MRPS6: variants seen among roughly 807,000 people sequenced by gnomAD.
The protein encoded by MRPS6 is mitochondrial ribosomal protein S6.
In MRPS6, 6 loss-of-function variants were observed where a neutral mutation model predicts 13.1. The observed-to-expected ratio is 0.46, with a 90% CI of 0.25 to 0.91. The LOEUF is 0.91. MRPS6 is among the 40% of genes least tolerant of loss of function. The pLI is 0.18. For missense variants in MRPS6, 164 were observed against 155.6 expected (o/e 1.05, Z -0.29); for synonymous variants, 61 against 56.5 (o/e 1.08, Z -0.36).
At chr21:34,076,400 T>C (rs1989331796) in intron 1 of MRPS6, among the ~76,000 whole-genome samples, 1 of 152,226 alleles carries the variant, frequency 6.6e-6, no homozygotes, top group South Asian at 2.1e-4. Context: ...GTTGCGGGAA[T>C]GCCCATTGAA....
At chr21:34,080,292 A>G (rs935490027) in intron 1 of MRPS6, among the ~76,000 whole-genome samples, 3 of 152,226 alleles carry the variant, frequency 2.0e-5, no homozygotes, top group African/African-American at 7.2e-5. Context: ...TCATTTTCAA[A>G]TACATGCAGG....
rs16991220 is a variant in MRPS6, at chr21:34,102,153, T to C, written c.46-23188T>C. 5.5e-3 allele frequency: 5,457 copies of C among 1,000,102 alleles called. 107 individuals carry two copies. In the South Asian group the frequency reaches 0.078, roughly 14 times the overall value. 62.0% of individuals were successfully genotyped at this position (1,000,102 alleles called of 1,614,324 possible). On this transcript the variant is annotated intron_variant, in intron 1 of 2. Coordinates refer to ENST00000399312, the MANE Select transcript of MRPS6 (RefSeq NM_032476.4). ...TGGAATGTTTTTGTCAGACTGTCCT[T>C]TGTTGGAATACTTTAGCTGTTCAGC...
chr21:34,103,948 T>G (rs751027676), intron 1 of MRPS6: 7 of 1,000,118 alleles, frequency 7.0e-6, no homozygotes, highest in Admixed American at 1.2e-4. Flanking sequence ...GACATATTTC[T>G]GTTTTAAGCT....
At chr21:34,079,632 T>TA (rs1989415627) in intron 1 of MRPS6, among the ~76,000 whole-genome samples, 1 of 85,268 alleles carries the variant, frequency 1.2e-5, no homozygotes, top group Non-Finnish European at 2.6e-5. Flanking sequence ...TTTTTTTTTT[T>TA]TAGTAGAGAT....
At chr21:34,085,443 A>G (rs758282380) in intron 1 of MRPS6, among the ~76,000 whole-genome samples, 1 of 152,322 alleles carries the variant, frequency 6.6e-6, no homozygotes, top group South Asian at 2.1e-4. Flanking sequence ...TAAGTGATCT[A>G]TGGAATAACA....
intron 1 of MRPS6, among the ~76,000 whole-genome samples, chr21:34,077,515 C>CT (rs1333978274): frequency 2.0e-5 from 3 of 152,110 alleles, no homozygotes; most frequent in African/African-American, 7.2e-5. Flanking sequence ...AGGTTAATGG[C>CT]TTAATAACTA....
At chr21:34,141,282 T>C (rs980915488) in intron 2 of MRPS6, among the ~76,000 whole-genome samples, 2 of 152,136 alleles carry the variant, frequency 1.3e-5, no homozygotes, top group Non-Finnish European at 2.9e-5. Context: ...ACTGTGCCAG[T>C]GGTGAGAACG....
intron 1 of MRPS6, among the ~76,000 whole-genome samples, chr21:34,107,983 A>G (rs558803059): frequency 6.6e-6 from 1 of 152,324 alleles, no homozygotes; most frequent in East Asian, 1.9e-4. Flanking sequence ...GGAAATACAC[A>G]TACAGTCACA....
At chr21:34,103,607 A>C (rs901428730) in intron 1 of MRPS6, 1 of 1,000,110 alleles carries the variant, frequency 1.0e-6, no homozygotes, top group African/African-American at 1.7e-5. Context: ...GTACCCACAC[A>C]TAGAAAGCAC....
At chr21:34,131,623 CA>C (rs1980504837) in intron 2 of MRPS6, among the ~76,000 whole-genome samples, 1 of 152,182 alleles carries the variant, frequency 6.6e-6, no homozygotes, top group Non-Finnish European at 1.5e-5. Context: ...TCGCAGGCAT[CA>C]AAAGCCACCC....
chr21:34,102,794 A>G, intron 1 of MRPS6: 14 of 1,000,056 alleles, frequency 1.4e-5, no homozygotes, highest in Non-Finnish European at 1.7e-5. Flanking sequence ...CTATAACATA[A>G]TTGTTGTCCA....
chr21:34,110,391 G>T (rs1979649142), intron 1 of MRPS6, among the ~76,000 whole-genome samples: 2 of 152,078 alleles, frequency 1.3e-5, no homozygotes, highest in Admixed American at 6.6e-5. Context: ...GAGGCAGAAG[G>T]ATTGCTTGAG....
chr21:34,097,496 T>C (rs1179381069), intron 1 of MRPS6: 26 of 1,422,684 alleles, frequency 1.8e-5, no homozygotes, highest in Non-Finnish European at 2.1e-5. Context: ...ATCATCTAAT[T>C]ACAAGACTTT....
At chr21:34,089,588 AC>A (rs937888634) in intron 1 of MRPS6, among the ~76,000 whole-genome samples, 2 of 152,114 alleles carry the variant, frequency 1.3e-5, no homozygotes, top group African/African-American at 4.8e-5. Context: ...TGGTTTATGA[AC>A]TTTTCTAGGT....
intron 1 of MRPS6, among the ~76,000 whole-genome samples, chr21:34,079,264 T>C (rs1169609454): frequency 6.6e-6 from 1 of 152,228 alleles, no homozygotes; most frequent in Non-Finnish European, 1.5e-5. Flanking sequence ...TAAGTAAAGT[T>C]ACATTGGAAC....
chr21:34,107,939 C>T (rs1979544446), intron 1 of MRPS6, among the ~76,000 whole-genome samples: 2 of 152,144 alleles, frequency 1.3e-5, no homozygotes, highest in African/African-American at 4.8e-5. Flanking sequence ...GTAGGGGTAT[C>T]ATGACTTCTG....
intron 2 of MRPS6, among the ~76,000 whole-genome samples, chr21:34,131,404 C>G (rs760124411): frequency 2.0e-5 from 3 of 152,202 alleles, no homozygotes; most frequent in Non-Finnish European, 2.9e-5. Flanking sequence ...GCAGAGGGCT[C>G]TAACTCCCCT....
chr21:34,111,508 CAA>C (rs1379314877), intron 1 of MRPS6, among the ~76,000 whole-genome samples: 2 of 152,328 alleles, frequency 1.3e-5, no homozygotes, highest in Non-Finnish European at 2.9e-5. Flanking sequence ...TCTGAAGTCT[CAA>C]AATCAGACAT....
intron 2 of MRPS6, among the ~76,000 whole-genome samples, chr21:34,139,199 G>C (rs565060104): frequency 9.5e-6 from 1 of 105,726 alleles, no homozygotes; most frequent in Non-Finnish European, 1.8e-5. Flanking sequence ...GGTGGGGGGA[G>C]GGGGGAGGGA....
Sources: gnomAD v4.1 joint callset for allele counts (sites outside exome capture counted in the v4.1 genomes callset) on GRCh38, gnomAD v4.1.1 for gene constraint, MANE v1.5 for transcripts, NCBI Gene and HGNC (gene_info 2026-07-23, HGNC 2026-07-21) for gene names.